The following PTPRN2 variants were observed in gnomAD, a reference collection of about 807,000 sequenced individuals.
PTPRN2 encodes the protein receptor-type tyrosine-protein phosphatase N2.
A neutral mutation model predicts 118.8 loss-of-function variants in PTPRN2; 74 were observed. That is an observed-to-expected ratio of 0.62 (90% CI 0.52 to 0.76). The LOEUF (loss-of-function observed/expected upper bound fraction) is 0.76. Among genes scored for constraint, PTPRN2 ranks in the 30% least tolerant of loss-of-function variants. The pLI is 0.00. For missense variants in PTPRN2, 1,481 were observed against 1,394.4 expected (o/e 1.06, Z -0.99); for synonymous variants, 641 against 608.0 (o/e 1.05, Z -0.80).
At chr7:158,404,825 G>A (rs1813259167) in intron 2 of PTPRN2, among the ~76,000 whole-genome samples, 2 of 46,962 alleles carry the variant, frequency 4.3e-5, no homozygotes, top group Non-Finnish European at 7.9e-5. Flanking sequence ...CCGGCCCCCA[G>A]CTCCCCGGCC....
At chr7:158,133,430 T>C (rs1257978573) in intron 9 of PTPRN2, among the ~76,000 whole-genome samples, 1 of 152,210 alleles carries the variant, frequency 6.6e-6, no homozygotes, top group Non-Finnish European at 1.5e-5. Context: ...GGTTTGGTTT[T>C]GTTTGATGCC....
chr7:157,704,209 C>A (rs1798215889), intron 12 of PTPRN2, among the ~76,000 whole-genome samples: 1 of 152,178 alleles, frequency 6.6e-6, no homozygotes, highest in Non-Finnish European at 1.5e-5. Context: ...GTTTCTCTCC[C>A]TGAAAATGGG....
chr7:158,071,708 G>A (rs1811798323), intron 11 of PTPRN2, among the ~76,000 whole-genome samples: 1 of 144,248 alleles, frequency 6.9e-6, no homozygotes, highest in South Asian at 2.3e-4. Context: ...TGGTGGAGGT[G>A]CTCCTGGTGG....
intron 5 of PTPRN2, among the ~76,000 whole-genome samples, chr7:158,182,185 A>G (rs2150663718): frequency 6.6e-6 from 1 of 152,344 alleles, no homozygotes; most frequent in South Asian, 2.1e-4. Flanking sequence ...ATCATTGAGG[A>G]GCATATTTTT....
intron 4 of PTPRN2, among the ~76,000 whole-genome samples, chr7:158,202,758 T>C (rs964329198): frequency 3.3e-5 from 5 of 152,246 alleles, no homozygotes; most frequent in African/African-American, 7.2e-5. Context: ...GAGCTGTTTT[T>C]ATTTGTAACC....
intron 2 of PTPRN2, among the ~76,000 whole-genome samples, chr7:158,402,311 A>T (rs1813006550): frequency 6.6e-6 from 1 of 151,870 alleles, no homozygotes; most frequent in African/African-American, 2.4e-5. Context: ...CCAAATTGGA[A>T]ATCTGGGGGT....
rs556433375 is a variant in PTPRN2, at chr7:158,121,018, C to T, written c.1557-10103G>A. The stretch of plus-strand genomic sequence containing the variant: ...GCCAAACCCTCCTGGCAGGCAAGTG[C>T]GATGCTTCCAGATGAGCCCTTCCTT... On this transcript the variant is annotated intron_variant, in intron 9 of 22. Transcript: ENST00000389418. 3.9e-5 allele frequency among the ~76,000 whole-genome samples: 6 copies of T among 152,284 alleles called. No homozygotes were observed. The East Asian group carries it at 7.7e-4, about 20-fold the overall frequency.
intron 1 of PTPRN2, among the ~76,000 whole-genome samples, chr7:158,498,842 T>G (rs1586810584): frequency 6.6e-6 from 1 of 152,324 alleles, no homozygotes; most frequent in Non-Finnish European, 1.5e-5. Context: ...AAATATAGTA[T>G]GACCCATGAA....
intron 13 of PTPRN2, among the ~76,000 whole-genome samples, chr7:157,668,957 C>G (rs1796272104): frequency 6.6e-6 from 1 of 152,238 alleles, no homozygotes; most frequent in Non-Finnish European, 1.5e-5. Flanking sequence ...TTTATTTCAT[C>G]ATAAAACTCA....
intron 17 of PTPRN2, among the ~76,000 whole-genome samples, chr7:157,593,477 AC>A (rs1467009979): frequency 6.6e-6 from 1 of 152,240 alleles, no homozygotes; most frequent in East Asian, 1.9e-4. Context: ...ATTTGGGGGC[AC>A]CCCATGCCAC....
chr7:158,342,234 A>T (rs182179344), intron 2 of PTPRN2, among the ~76,000 whole-genome samples: 23,811 of 116,458 alleles, frequency 0.2, 1,094 homozygotes, highest in Middle Eastern at 0.24. Flanking sequence ...TCACACTCTC[A>T]CCATAAGAGC....
At chr7:158,084,736 G>T (rs1813130585) in intron 10 of PTPRN2, among the ~76,000 whole-genome samples, 1 of 133,260 alleles carries the variant, frequency 7.5e-6, no homozygotes, top group Non-Finnish European at 1.6e-5. Flanking sequence ...CCACACCCAC[G>T]ATGCCCATCC....
At chr7:157,955,583 G>C (rs893208447) in intron 11 of PTPRN2, among the ~76,000 whole-genome samples, 18 of 152,208 alleles carry the variant, frequency 1.2e-4, no homozygotes, top group Admixed American at 2.0e-4. Flanking sequence ...CACACAGCAG[G>C]AGGGTTATCC....
chr7:158,582,508 C>T (rs907657143), intron 1 of PTPRN2, among the ~76,000 whole-genome samples: 3 of 151,460 alleles, frequency 2.0e-5, no homozygotes, highest in Non-Finnish European at 4.4e-5. Context: ...CACTTGAGGC[C>T]AGGAGTTCAA....
At position 157,869,165 on chromosome 7, in the gene PTPRN2, CT is replaced by C. The variant is rs1810902518; in HGVS notation, c.1788+29507del. ...ATCAAGGTCTTTCTACAAATCTTTC[CT>C]GATACCTCAACTTTGCCAGGGTCCT... On this transcript the variant is annotated intron_variant, in intron 12 of 22. Coordinates refer to ENST00000389418, the MANE Select transcript of PTPRN2 (RefSeq NM_002847.5). The surrounding 1 kb of genome is among the most constrained non-coding windows in gnomAD (Gnocchi z 4.2). The C allele has an allele frequency of 6.6e-6, 1 of 152,178 alleles. No individual in the cohort carries two copies. The allele number at this position is 152,178 out of a possible 1,614,324, so 9.4% of individuals were successfully genotyped here.
intron 2 of PTPRN2, among the ~76,000 whole-genome samples, chr7:158,330,635 T>C (rs1284090035): frequency 3.3e-5 from 3 of 90,174 alleles, no homozygotes; most frequent in African/African-American, 3.5e-5. Context: ...AGGTGACATC[T>C]GCAGACGTCA....
chr7:158,235,631 T>C (rs975937978), intron 3 of PTPRN2, among the ~76,000 whole-genome samples: 1 of 152,166 alleles, frequency 6.6e-6, no homozygotes, highest in African/African-American at 2.4e-5. Context: ...CATTGACTAA[T>C]GGCTACAAAT....
intron 2 of PTPRN2, among the ~76,000 whole-genome samples, chr7:158,326,781 TCACATGCACA>T (rs1161430478): frequency 1.5e-5 from 1 of 68,224 alleles, no homozygotes; most frequent in Non-Finnish European, 4.0e-5. Context: ...GCTCACACAC[TCACATGCACA>T]CACATGCACA....
At chr7:157,680,593 C>T (rs903586025) in intron 13 of PTPRN2, among the ~76,000 whole-genome samples, 15 of 152,218 alleles carry the variant, frequency 9.9e-5, no homozygotes, top group African/African-American at 3.6e-4. Context: ...CTGCGTCCTG[C>T]TCCGCCAAAA....
Sources: allele counts gnomAD v4.1 joint callset (sites outside exome capture counted in the v4.1 genomes callset), GRCh38; gene constraint gnomAD v4.1.1; non-coding constraint Gnocchi (gnomAD v3.1); transcripts MANE v1.5; gene names NCBI Gene and HGNC (gene_info 2026-07-23, HGNC 2026-07-21).